ADCY9: variants seen among roughly 807,000 people sequenced by gnomAD.
The protein encoded by ADCY9 is adenylate cyclase type 9.
In ADCY9, 50 loss-of-function variants were observed where a neutral mutation model predicts 101.5. That is an observed-to-expected ratio of 0.49 (90% CI 0.39 to 0.62). The LOEUF is 0.62. Ranked by LOEUF, ADCY9 falls within the 20% of genes least tolerant of loss-of-function variation. ADCY9 has a pLI of 0.00. For missense variants in ADCY9, 1,662 were observed against 1,800.4 expected (o/e 0.92, Z 1.39); for synonymous variants, 905 against 769.3 (o/e 1.18, Z -2.92).
intron 2 of ADCY9, among the ~76,000 whole-genome samples, chr16:4,091,371 G>A (rs2056972664): frequency 6.6e-6 from 1 of 152,176 alleles, no homozygotes; most frequent in Non-Finnish European, 1.5e-5. Flanking sequence ...ACTGCACCCA[G>A]CCCAAGTTCC....
chr16:3,962,188 A>G (rs982065172), downstream of ADCY9, among the ~76,000 whole-genome samples: 19 of 152,288 alleles, frequency 1.2e-4, no homozygotes, highest in African/African-American at 4.1e-4. Context: ...AAGAGGCTCT[A>G]TGACTTTAAA....
At chr16:4,071,606 A>T (rs1453087411) in intron 2 of ADCY9, among the ~76,000 whole-genome samples, 1 of 152,150 alleles carries the variant, frequency 6.6e-6, no homozygotes, top group East Asian at 1.9e-4. Flanking sequence ...GGGAAACTGG[A>T]GAAAGAAAAA....
chr16:4,096,888 A>AG (rs2057007009), intron 2 of ADCY9, among the ~76,000 whole-genome samples: 2 of 152,106 alleles, frequency 1.3e-5, no homozygotes, highest in East Asian at 1.9e-4. Context: ...CCGCTTTGGA[A>AG]GGGGGAAAAA....
downstream of ADCY9, among the ~76,000 whole-genome samples, chr16:3,960,412 C>A (rs1404575429): frequency 1.3e-5 from 2 of 152,086 alleles, no homozygotes; most frequent in Non-Finnish European, 2.9e-5. Flanking sequence ...ATCCCAGCTA[C>A]TCAGGTAACT....
At chr16:4,066,260 A>G (rs1411543674) in intron 2 of ADCY9, among the ~76,000 whole-genome samples, 3 of 152,204 alleles carry the variant, frequency 2.0e-5, no homozygotes, top group African/African-American at 7.2e-5. Flanking sequence ...ATAATTCTCC[A>G]CAAATCTTTT....
chr16:4,058,089 G>A (rs1356352924), intron 2 of ADCY9, among the ~76,000 whole-genome samples: 1 of 151,682 alleles, frequency 6.6e-6, no homozygotes, highest in Non-Finnish European at 1.5e-5. Flanking sequence ...AACCCAGGAG[G>A]TGGAGGTTGC....
intron 7 of ADCY9, among the ~76,000 whole-genome samples, chr16:3,980,302 A>G (rs778346918): frequency 6.6e-6 from 1 of 152,340 alleles, no homozygotes; most frequent in East Asian, 1.9e-4. Context: ...CTGTATAAAG[A>G]AGCAGCTGAG....
downstream of ADCY9, among the ~76,000 whole-genome samples, chr16:3,958,141 C>T (rs2055917702): frequency 6.6e-6 from 1 of 152,176 alleles, no homozygotes; most frequent in African/African-American, 2.4e-5. Flanking sequence ...GGAGGATACA[C>T]TACCCTGAAA....
In ADCY9 at chr16:4,115,641, C is replaced by A; in HGVS notation, c.-44+49G>T. On this transcript the variant is annotated intron_variant, in intron 1 of 10. Coordinates refer to ENST00000294016, the MANE Select transcript of ADCY9 (RefSeq NM_001116.4). This position sits in a 1 kb window ranked among gnomAD's most constrained non-coding sequence, Gnocchi z 6.2. Reference sequence around the variant, plus strand: ...TCCCGGCTCAGCGGTGCTCCCACCGCCCCCACCGCCCCCACCTTCGAGGCG... The same window carrying A: ...TCCCGGCTCAGCGGTGCTCCCACCGACCCCACCGCCCCCACCTTCGAGGCG... 1 of 619,132 alleles carries A rather than the reference C, an allele frequency of 1.6e-6. No homozygotes were observed. Among genetic ancestry groups the A allele is most frequent in the Admixed American group, 3.2e-5 (1 of 31,544 alleles). 38.4% of individuals were successfully genotyped at this position (619,132 alleles called of 1,614,324 possible). A position where few individuals can be genotyped will look rare whatever the true frequency, so the allele number is the denominator to read the frequency against.
intron 3 of ADCY9, among the ~76,000 whole-genome samples, chr16:4,002,671 T>C (rs2056339024): frequency 6.6e-6 from 1 of 152,232 alleles, no homozygotes; most frequent in Non-Finnish European, 1.5e-5. Flanking sequence ...ACAGCTCAAA[T>C]GGTTCCCTGA....
chr16:4,047,516 A>G (rs2056673346), intron 2 of ADCY9, among the ~76,000 whole-genome samples: 1 of 144,452 alleles, frequency 6.9e-6, no homozygotes, highest in Non-Finnish European at 1.5e-5. Flanking sequence ...TGGATTGACA[A>G]TTGCAATTCC....
intron 2 of ADCY9, among the ~76,000 whole-genome samples, chr16:4,059,406 A>G (rs1469905751): frequency 6.6e-6 from 1 of 150,572 alleles, no homozygotes; most frequent in Admixed American, 6.6e-5. Flanking sequence ...AAAAAAAAAG[A>G]AAGAAAGAAA....
chr16:3,969,052 G>T (rs1000853780), intron 10 of ADCY9, among the ~76,000 whole-genome samples: 1 of 151,850 alleles, frequency 6.6e-6, no homozygotes, highest in Non-Finnish European at 1.5e-5. Flanking sequence ...TCTCAAACTC[G>T]TGACCTCGTG....
At chr16:3,953,603 T>C (rs967702159) in intron 5 of ADCY9, 1 of 152,006 alleles carries the variant, frequency 6.6e-6, no homozygotes, top group African/African-American at 2.4e-5. Flanking sequence ...CTAGAAAACA[T>C]GATGATTAAA....
chr16:4,091,076 T>C (rs2056970619), intron 2 of ADCY9, among the ~76,000 whole-genome samples: 1 of 151,820 alleles, frequency 6.6e-6, no homozygotes, highest in African/African-American at 2.4e-5. Flanking sequence ...TATTTTATTT[T>C]ATTTTATTAT....
intron 2 of ADCY9, among the ~76,000 whole-genome samples, chr16:4,112,174 C>T (rs777709066): frequency 1.3e-5 from 2 of 152,194 alleles, no homozygotes; most frequent in African/African-American, 4.8e-5. Flanking sequence ...CCCACAGCCC[C>T]GTCCACTGAC....
intron 2 of ADCY9, among the ~76,000 whole-genome samples, chr16:4,099,339 A>G (rs2057027970): frequency 6.6e-6 from 1 of 152,226 alleles, no homozygotes; most frequent in Non-Finnish European, 1.5e-5. Context: ...TCTCAATTGT[A>G]GGAATGCAAA....
At chr16:4,029,899 C>T (rs565168770) in intron 2 of ADCY9, among the ~76,000 whole-genome samples, 1 of 152,298 alleles carries the variant, frequency 6.6e-6, no homozygotes, top group Non-Finnish European at 1.5e-5. Context: ...AGCCAGGGAA[C>T]TGCAAATCAA....
intron 2 of ADCY9, among the ~76,000 whole-genome samples, chr16:4,038,100 C>T (rs1258864716): frequency 1.3e-5 from 2 of 152,124 alleles, no homozygotes; most frequent in Non-Finnish European, 1.5e-5. Context: ...ACAGCGAAGA[C>T]TCCGTCTCTA....
Sources: allele counts gnomAD v4.1 joint callset (sites outside exome capture counted in the v4.1 genomes callset), GRCh38; gene constraint gnomAD v4.1.1; non-coding constraint Gnocchi (gnomAD v3.1); transcripts MANE v1.5; gene names NCBI Gene and HGNC (gene_info 2026-07-23, HGNC 2026-07-21).